PDE3B: variants seen among roughly 807,000 people sequenced by gnomAD.
PDE3B encodes phosphodiesterase 3B.
A neutral mutation model predicts 116.8 loss-of-function variants in PDE3B; 66 were observed. The ratio of observed to expected loss-of-function variants is 0.56; its 90% CI spans 0.46 to 0.69. The LOEUF (loss-of-function observed/expected upper bound fraction) is 0.69, where lower values mean the gene tolerates loss of function less well. PDE3B is among the 30% of genes least tolerant of loss of function. The pLI is 0.00. For synonymous variants in PDE3B, 595 were observed against 533.6 expected (o/e 1.12, Z -1.59); for missense variants, 1,384 against 1,368.1 (o/e 1.01, Z -0.18).
rs1455454638 is a variant in PDE3B at position 14,819,119 on chromosome 11, C to T, written c.1734-17C>T. Reference sequence around the variant, plus strand: ...TACCTCATTTACCGTATATATTTATCTATTTTATTCTATAAGCTGTGGACA... The same window carrying T: ...TACCTCATTTACCGTATATATTTATTTATTTTATTCTATAAGCTGTGGACA... On this transcript the variant is annotated splice_polypyrimidine_tract_variant and intron_variant, in intron 6 of 15. Transcript: ENST00000282096. The T allele has an allele frequency of 6.9e-7, 1 of 1,452,256 alleles. No homozygotes were observed. The highest frequency in any genetic ancestry group is 9.6e-7 in the Non-Finnish European group (1 of 1,041,764). The allele number at this position is 1,452,256 out of a possible 1,614,324, so 90.0% of individuals were successfully genotyped here.
chr11:14,802,506 G>A (rs1433557822), intron 4 of PDE3B, among the ~76,000 whole-genome samples: 3 of 152,164 alleles, frequency 2.0e-5, no homozygotes, highest in Non-Finnish European at 4.4e-5. Context: ...CCAGTGAGAC[G>A]AACTGGGTAC....
chr11:14,830,264 A>G (rs969439275), intron 7 of PDE3B, among the ~76,000 whole-genome samples: 49 of 152,288 alleles, frequency 3.2e-4, no homozygotes, highest in African/African-American at 1.1e-3. Context: ...ACATTGGTAG[A>G]GATATAACTC....
chr11:14,795,042 C>T (rs1490650017), intron 4 of PDE3B, among the ~76,000 whole-genome samples: 2 of 152,146 alleles, frequency 1.3e-5, no homozygotes, highest in Non-Finnish European at 2.9e-5. Context: ...GCTCCTCAGA[C>T]CCAGTCCTTT....
At chr11:14,841,653 G>A (rs998322200) in intron 11 of PDE3B, among the ~76,000 whole-genome samples, 4 of 111,476 alleles carry the variant, frequency 3.6e-5, no homozygotes, top group African/African-American at 1.0e-4. Context: ...ACAATTCTGC[G>A]GCTGTACAGG....
intron 1 of PDE3B, among the ~76,000 whole-genome samples, chr11:14,710,694 T>C (rs538957560): frequency 1.3e-5 from 2 of 152,096 alleles, no homozygotes; most frequent in South Asian, 4.2e-4. Context: ...AGGTTGAGGG[T>C]TGGGGAGGGC....
rs58891297 is a variant in PDE3B, at chr11:14,707,288, T to C, written c.978+62235T>C. ...TGGGGACAGGAGTTCAACTGCATCT[T>C]AGACCTGATGAACTTGGTATATTTG... On this transcript the variant is annotated intron_variant, in intron 1 of 15. Transcript: ENST00000282096. Among the ~76,000 whole-genome samples the C allele has an allele frequency of 9.7e-3, 1,475 of 152,026 alleles. 25 individuals carry two copies. The highest frequency in any genetic ancestry group is 0.034 in the African/African-American group (1,407 of 41,524).
chr11:14,757,567 T>G (rs932188965), intron 1 of PDE3B, among the ~76,000 whole-genome samples: 1 of 132,718 alleles, frequency 7.5e-6, no homozygotes, highest in African/African-American at 3.0e-5. Flanking sequence ...TGATGAGCAT[T>G]TTTTCATGTG....
chr11:14,815,852 A>G (rs1174414978), intron 5 of PDE3B, among the ~76,000 whole-genome samples: 1 of 152,108 alleles, frequency 6.6e-6, no homozygotes, highest in Non-Finnish European at 1.5e-5. Flanking sequence ...GCTTAACCTT[A>G]TTAGTAATGA....
intron 1 of PDE3B, among the ~76,000 whole-genome samples, chr11:14,700,007 G>A (rs757661026): frequency 6.6e-6 from 1 of 151,574 alleles, no homozygotes; most frequent in East Asian, 1.9e-4. Flanking sequence ...ATATGGCTCC[G>A]ACAGTAGAGA....
chr11:14,849,628 A>G (rs1847697696), intron 12 of PDE3B, among the ~76,000 whole-genome samples: 1 of 152,234 alleles, frequency 6.6e-6, no homozygotes, highest in Non-Finnish European at 1.5e-5. Flanking sequence ...AATGAACTCA[A>G]ACAAATTTAC....
chr11:14,667,037 AT>A (rs1327354651), intron 1 of PDE3B, among the ~76,000 whole-genome samples: 3 of 152,186 alleles, frequency 2.0e-5, no homozygotes, highest in Admixed American at 6.5e-5. Context: ...ACCAACCCAA[AT>A]GTCCAACAAT....
intron 4 of PDE3B, among the ~76,000 whole-genome samples, chr11:14,798,468 CT>C (rs1565142063): frequency 6.6e-6 from 1 of 152,020 alleles, no homozygotes; most frequent in Non-Finnish European, 1.5e-5. Flanking sequence ...GGAAGATTTC[CT>C]TTTTTTCTAT....
Position 14,783,456 on chromosome 11 carries a change from G to T in PDE3B, c.1030-2981G>T, listed in dbSNP as rs1163602004. On this transcript the variant is annotated intron_variant, in intron 2 of 15. Transcript: ENST00000282096. ...AAAAATGGATGAGTTCATGTCCTTTGTAGGGACATGGATGAAGCTGGAAAC... is the reference window on the plus strand; with the variant it reads ...AAAAATGGATGAGTTCATGTCCTTTTTAGGGACATGGATGAAGCTGGAAAC... 3.9e-5 allele frequency among the ~76,000 whole-genome samples: 6 copies of T among 152,328 alleles called. No homozygotes were observed. The East Asian group carries it at 1.2e-3, about 29-fold the overall frequency.
At chr11:14,655,728 A>G (rs1853700182) in intron 1 of PDE3B, among the ~76,000 whole-genome samples, 1 of 152,198 alleles carries the variant, frequency 6.6e-6, no homozygotes, top group Non-Finnish European at 1.5e-5. Flanking sequence ...TTTGAAGGAC[A>G]TATTATATAA....
intron 1 of PDE3B, among the ~76,000 whole-genome samples, chr11:14,716,010 G>T (rs1368473289): frequency 1.3e-5 from 2 of 152,102 alleles, no homozygotes; most frequent in Non-Finnish European, 2.9e-5. Context: ...CTGAGGTACC[G>T]GGTTCATCTC....
chr11:14,808,269 C>T (rs1401525066), intron 5 of PDE3B, among the ~76,000 whole-genome samples: 1 of 152,062 alleles, frequency 6.6e-6, no homozygotes, highest in African/African-American at 2.4e-5. Flanking sequence ...AACAAATTAT[C>T]AGAAAGAAGA....
chr11:14,723,135 A>G (rs527365509), intron 1 of PDE3B, among the ~76,000 whole-genome samples: 1 of 152,240 alleles, frequency 6.6e-6, no homozygotes, highest in African/African-American at 2.4e-5. Context: ...TAAGCATGTT[A>G]TGGACATTGT....
intron 1 of PDE3B, among the ~76,000 whole-genome samples, chr11:14,757,241 T>C (rs982559176): frequency 2.0e-5 from 3 of 151,452 alleles, no homozygotes; most frequent in South Asian, 2.1e-4. Context: ...TTTGCTATTG[T>C]GAATAATGCC....
rs573918863 is a variant in PDE3B, at chr11:14,785,643, T to A, written c.1030-794T>A. ...ATGGGTAATCGAGTTGAACATCATA[T>A]GTATGTTTTTTCAGAGAGTAAAAAT... is the stretch of plus-strand genomic sequence containing the variant. On this transcript the variant is annotated intron_variant, in intron 2 of 15. Coordinates refer to ENST00000282096, the MANE Select transcript of PDE3B (RefSeq NM_000922.4). Among the ~76,000 whole-genome samples, 24 of 152,236 alleles carry A rather than the reference T, an allele frequency of 1.6e-4. No individual in the cohort carries two copies. In the East Asian group the frequency reaches 4.6e-3, roughly 29 times the overall value.
Sources: gnomAD v4.1 joint callset for allele counts (sites outside exome capture counted in the v4.1 genomes callset) on GRCh38, gnomAD v4.1.1 for gene constraint, MANE v1.5 for transcripts, NCBI Gene and HGNC (gene_info 2026-07-23, HGNC 2026-07-21) for gene names.